The following TRAK1 variants were observed in gnomAD, a reference collection of about 807,000 sequenced individuals.
TRAK1 encodes the protein trafficking kinesin-binding protein 1.
TRAK1 carries 33 observed loss-of-function variants against 92.1 expected under a neutral mutation model. That is an observed-to-expected ratio of 0.36 (90% CI 0.27 to 0.48). TRAK1 has a LOEUF of 0.48. TRAK1 is among the 20% of genes least tolerant of loss of function. The pLI is 0.99. For synonymous variants in TRAK1, 521 were observed against 517.3 expected (o/e 1.01, Z -0.10); for missense variants, 1,123 against 1,257.9 (o/e 0.89, Z 1.62).
chr3:42,074,029 G>A (rs1704045730), intron 1 of TRAK1, among the ~76,000 whole-genome samples: 1 of 152,142 alleles, frequency 6.6e-6, no homozygotes, highest in East Asian at 1.9e-4. Context: ...AGAGAGAGTG[G>A]ACAGATGTAG....
chr3:42,109,141 T>G (rs1190624243), intron 1 of TRAK1, among the ~76,000 whole-genome samples: 1 of 152,186 alleles, frequency 6.6e-6, no homozygotes, highest in African/African-American at 2.4e-5. Context: ...GTATTCATTC[T>G]TATGTCAAAC....
intron 2 of TRAK1, chr3:42,149,712 AC>A: frequency 7.3e-7 from 1 of 1,360,750 alleles, no homozygotes; most frequent in Non-Finnish European, 1.0e-6. Flanking sequence ...GGTGGGAGGT[AC>A]CAGAACTAGC....
chr3:42,197,000 T>TCACACACACA (rs60649090), intron 10 of TRAK1, among the ~76,000 whole-genome samples: 138 of 131,152 alleles, frequency 1.1e-3, no homozygotes, highest in African/African-American at 3.6e-3. Context: ...TCTCTCTCTC[T>TCACACACACA]CTCACACACA....
chr3:42,106,904 A>G (rs1228898418), intron 1 of TRAK1, among the ~76,000 whole-genome samples: 1 of 152,252 alleles, frequency 6.6e-6, no homozygotes, highest in Non-Finnish European at 1.5e-5. Context: ...ATTTAGATTA[A>G]CAATAAAACA....
intron 1 of TRAK1, among the ~76,000 whole-genome samples, chr3:42,050,848 G>A (rs1280142172): frequency 6.6e-6 from 1 of 151,984 alleles, no homozygotes; most frequent in Admixed American, 6.6e-5. Context: ...AGTAGAGACG[G>A]GGTTTCACCA....
At chr3:42,042,729 G>A (rs551186182) in intron 1 of TRAK1, among the ~76,000 whole-genome samples, 2 of 152,084 alleles carry the variant, frequency 1.3e-5, no homozygotes, top group East Asian at 1.9e-4. Flanking sequence ...TCTTCTGCTT[G>A]CAAATTGTTT....
chr3:42,210,550 A>G (rs1708907148), intron 14 of TRAK1: 1 of 1,125,464 alleles, frequency 8.9e-7, no homozygotes, highest in Non-Finnish European at 1.1e-6. Context: ...GTTTTAGGGA[A>G]ATTGAGTGCT....
intron 1 of TRAK1, chr3:42,051,491 C>T (rs1702979851): frequency 6.6e-6 from 1 of 152,286 alleles, no homozygotes; most frequent in African/African-American, 2.4e-5. Context: ...TCCATGCCTT[C>T]TCATTTTCCA....
At position 42,105,276 on chromosome 3, in the gene TRAK1, G is replaced by T. The variant is rs144124385; in HGVS notation, c.91+13716G>T. Among the ~76,000 whole-genome samples the T allele has an allele frequency of 7.1e-3, 1,088 of 152,284 alleles. 11 individuals carry two copies. The highest frequency in any genetic ancestry group is 0.025 in the African/African-American group (1,049 of 41,558). ...GCAGAAGCTAAAAGTCTTAAAAAAA[G>T]ATTAGACAAATGGCTAACTAGAATA... On this transcript the variant is annotated intron_variant, in intron 1 of 15. Coordinates refer to ENST00000327628, the MANE Select transcript of TRAK1 (RefSeq NM_001042646.3).
chr3:42,053,371 C>CGG (rs1224725133), intron 1 of TRAK1, among the ~76,000 whole-genome samples: 4 of 1,100 alleles, frequency 3.6e-3, no homozygotes, highest in Admixed American at 0.011. Flanking sequence ...CATTCAGAGT[C>CGG]GGGTGGGGGG....
Position 42,032,480 on chromosome 3 carries a change from G to GA in TRAK1, c.-519+18379dup, listed in dbSNP as rs57423237. Among the ~76,000 whole-genome samples the GA allele has an allele frequency of 6.5e-3, 790 of 120,700 alleles. 2 individuals are homozygous for GA. The highest frequency in any genetic ancestry group is 0.015 in the East Asian group (63 of 4,158). 79.2% of individuals were successfully genotyped at this position (120,700 alleles called of 152,430 possible). ...AAATACACCCGGAGTGGGTCAACCT[G>GA]AAAAAAAAAAAAAAAACCATCTTTG... On this transcript the variant is annotated intron_variant, in intron 1 of 16. Transcript: ENST00000487159.
At chr3:42,200,744 A>G (rs995693788) in intron 11 of TRAK1, 74 bp from the exon 12 acceptor site, 1 of 1,508,580 alleles carries the variant, frequency 6.6e-7, no homozygotes, top group Non-Finnish European at 9.2e-7. Context: ...GGCTCAGTTG[A>G]TCATTTTTGG....
chr3:42,160,247 G>A lies in TRAK1; in HGVS notation c.287-16567G>A, dbSNP rs141039597. The A allele has an allele frequency of 1.3e-3, 2,035 of 1,531,216 alleles. 30 individuals are homozygous for A. In the African/African-American group the frequency reaches 0.024, roughly 18 times the overall value. 94.9% of individuals were successfully genotyped at this position (1,531,216 alleles called of 1,614,324 possible). ...GGGCATGTCTGCGGCCCAGGCCAGG[G>A]CGCAGTGTGTGCCCTGGGGGCCCAG... On this transcript the variant is annotated intron_variant, in intron 2 of 15. Coordinates refer to ENST00000327628, the MANE Select transcript of TRAK1 (RefSeq NM_001042646.3).
chr3:42,066,126 G>T (rs1438623474), intron 1 of TRAK1, among the ~76,000 whole-genome samples: 1 of 152,134 alleles, frequency 6.6e-6, no homozygotes, highest in African/African-American at 2.4e-5. Flanking sequence ...AGGAGTTCAA[G>T]ACTGGCCTGG....
At chr3:42,058,646 G>C (rs778464943) in intron 1 of TRAK1, among the ~76,000 whole-genome samples, 2 of 152,176 alleles carry the variant, frequency 1.3e-5, no homozygotes, top group African/African-American at 2.4e-5. Flanking sequence ...GCCTGGCCTG[G>C]AGGGAACCTT....
chr3:42,177,279 T>G (rs1206313051), intron 3 of TRAK1, among the ~76,000 whole-genome samples: 6 of 152,232 alleles, frequency 3.9e-5, no homozygotes, highest in Non-Finnish European at 7.3e-5. Context: ...TGGAATATTG[T>G]GCAGTGTCAG....
At chr3:42,115,751 T>C (rs1439307143) in intron 1 of TRAK1, among the ~76,000 whole-genome samples, 1 of 152,212 alleles carries the variant, frequency 6.6e-6, no homozygotes, top group African/African-American at 2.4e-5. Flanking sequence ...CCCTTTGCTG[T>C]TCACAGCAAG....
chr3:42,212,522 A>G, intron 14 of TRAK1: 1 of 984,596 alleles, frequency 1.0e-6, no homozygotes, highest in Non-Finnish European at 1.2e-6. Context: ...TTGAAGCATC[A>G]TTCACTTGTT....
chr3:42,086,911 T>G (rs763194164), upstream of TRAK1, among the ~76,000 whole-genome samples: 18 of 152,204 alleles, frequency 1.2e-4, no homozygotes, highest in Admixed American at 3.9e-4. Context: ...CAATATTGAT[T>G]AGTTGAATGG....
Sources: gnomAD v4.1 joint callset for allele counts (sites outside exome capture counted in the v4.1 genomes callset) on GRCh38, gnomAD v4.1.1 for gene constraint, MANE v1.5 for transcripts, NCBI Gene and HGNC (gene_info 2026-07-23, HGNC 2026-07-21) for gene names.